Variants in EPHA6 observed in about 807,000 individuals in gnomAD.
The protein encoded by EPHA6 is ephrin type-A receptor 6.
A neutral mutation model predicts 112.0 loss-of-function variants in EPHA6; 50 were observed. That is an observed-to-expected ratio of 0.45 (90% confidence interval 0.36 to 0.56). The LOEUF is 0.56. Among genes scored for constraint, EPHA6 ranks in the 20% least tolerant of loss-of-function variants. The probability of loss-of-function intolerance (pLI) is 0.00; values close to 1 mark genes in which losing one functional copy is unlikely to be tolerated. For missense variants in EPHA6, 1,280 were observed against 1,417.4 expected (o/e 0.90, Z 1.56); for synonymous variants, 529 against 490.7 (o/e 1.08, Z -1.03).
intron 1 of EPHA6, among the ~76,000 whole-genome samples, chr3:96,835,586 A>G (rs2034361046): frequency 2.0e-5 from 3 of 152,054 alleles, no homozygotes; most frequent in African/African-American, 7.2e-5. Context: ...GAAAATACAC[A>G]TGCATCGTTG....
chr3:97,505,326 C>G (rs1383052436), intron 10 of EPHA6, among the ~76,000 whole-genome samples: 1 of 152,102 alleles, frequency 6.6e-6, no homozygotes, highest in African/African-American at 2.4e-5. Context: ...TCTTCTAATG[C>G]TATCCCTCCC....
At chr3:97,436,998 C>T (rs1371023726) in intron 6 of EPHA6, among the ~76,000 whole-genome samples, 1 of 151,782 alleles carries the variant, frequency 6.6e-6, no homozygotes. Context: ...GACTGCAGCC[C>T]AATACAAATT....
intron 12 of EPHA6, among the ~76,000 whole-genome samples, chr3:97,608,431 A>G (rs759794549): frequency 2.0e-5 from 3 of 151,366 alleles, no homozygotes; most frequent in Non-Finnish European, 4.4e-5. Flanking sequence ...TACTATGATT[A>G]GCTCTATGGC....
At chr3:96,844,044 A>C (rs1362910389) in intron 1 of EPHA6, among the ~76,000 whole-genome samples, 1 of 151,998 alleles carries the variant, frequency 6.6e-6, no homozygotes, top group African/African-American at 2.4e-5. Context: ...GTCTTAACAC[A>C]GTTCCCATCT....
chr3:97,189,367 T>C (rs1230110324), intron 3 of EPHA6, among the ~76,000 whole-genome samples: 1 of 152,104 alleles, frequency 6.6e-6, no homozygotes, highest in Non-Finnish European at 1.5e-5. Flanking sequence ...ATGCAGTTCC[T>C]AGAAAGTTAG....
intron 3 of EPHA6, among the ~76,000 whole-genome samples, chr3:97,105,645 G>A (rs1313784867): frequency 1.3e-5 from 2 of 152,074 alleles, no homozygotes; most frequent in East Asian, 3.9e-4. Context: ...TGGGTGGAGA[G>A]TTCTGCAGAG....
intron 12 of EPHA6, among the ~76,000 whole-genome samples, chr3:97,596,444 T>G (rs2093591535): frequency 6.6e-6 from 1 of 152,068 alleles, no homozygotes. Context: ...GATAGGAGAA[T>G]AATAAAGCAT....
chr3:97,127,750 T>A (rs955423039), intron 3 of EPHA6, among the ~76,000 whole-genome samples: 8 of 151,644 alleles, frequency 5.3e-5, no homozygotes, highest in African/African-American at 1.9e-4. Context: ...TTCCTGCTTC[T>A]CCTGTTTTCT....
intron 13 of EPHA6, among the ~76,000 whole-genome samples, chr3:97,629,844 T>G (rs1254265988): frequency 6.6e-6 from 1 of 152,030 alleles, no homozygotes; most frequent in Non-Finnish European, 1.5e-5. Flanking sequence ...TCTGATATGC[T>G]CTAATGATGC....
At chr3:97,243,417 C>T (rs1293273100) in intron 4 of EPHA6, among the ~76,000 whole-genome samples, 1 of 151,828 alleles carries the variant, frequency 6.6e-6, no homozygotes, top group Non-Finnish European at 1.5e-5. Context: ...ATCATCTGCT[C>T]ACCCTAAATT....
At chr3:97,466,445 G>T in intron 7 of EPHA6, 1 of 1,550,760 alleles carries the variant, frequency 6.4e-7, no homozygotes, top group Non-Finnish European at 8.9e-7. Flanking sequence ...TGACAAAACT[G>T]TACTGGCTTA....
At chr3:97,270,998 C>T (rs1350748541) in intron 5 of EPHA6, among the ~76,000 whole-genome samples, 1 of 152,198 alleles carries the variant, frequency 6.6e-6, no homozygotes, top group East Asian at 1.9e-4. Flanking sequence ...GTATATAGCC[C>T]TTCCAGAGTA....
At position 97,476,600 on chromosome 3, in the gene EPHA6, AT is replaced by A. The variant is rs2091375894; in HGVS notation, c.2003+1144del. On this transcript the variant is annotated intron_variant, in intron 8 of 17. Coordinates refer to ENST00000389672, the MANE Select transcript of EPHA6 (RefSeq NM_001080448.3). ...ATACACATATGAAAAATTGTCTACA[AT>A]TTTGACAGCACACCAAAAAGTATAG... is the stretch of plus-strand genomic sequence containing the variant. Among the ~76,000 whole-genome samples the A allele has an allele frequency of 2.0e-5, 3 of 152,254 alleles. No individual in the cohort carries two copies. In the South Asian group the frequency reaches 6.2e-4, roughly 32 times the overall value.
chr3:97,466,139 G>C, intron 7 of EPHA6: 1 of 552,480 alleles, frequency 1.8e-6, no homozygotes, highest in Non-Finnish European at 3.4e-6. Flanking sequence ...TGTAGAAAAA[G>C]GTTGTTTTAG....
At chr3:97,080,885 C>T (rs2046699158) in intron 3 of EPHA6, among the ~76,000 whole-genome samples, 1 of 151,854 alleles carries the variant, frequency 6.6e-6, no homozygotes, top group Non-Finnish European at 1.5e-5. Flanking sequence ...AGACAAAGCA[C>T]ATAGACATAT....
At chr3:96,930,153 GGTTACAATAT>G (rs1050008371) in intron 2 of EPHA6, among the ~76,000 whole-genome samples, 5 of 152,090 alleles carry the variant, frequency 3.3e-5, no homozygotes, top group Admixed American at 3.3e-4. Context: ...CTTTGCATTG[GGTTACAATAT>G]GTTACTTTAG....
chr3:97,051,971 AAAT>A (rs2045698129), intron 3 of EPHA6, among the ~76,000 whole-genome samples: 1 of 152,158 alleles, frequency 6.6e-6, no homozygotes, highest in Non-Finnish European at 1.5e-5. Context: ...ATGACAATTA[AAAT>A]AATAGTAATG....
chr3:97,324,162 T>G (rs1363304438), intron 5 of EPHA6, among the ~76,000 whole-genome samples: 1 of 152,078 alleles, frequency 6.6e-6, no homozygotes, highest in African/African-American at 2.4e-5. Context: ...TATGCTTATG[T>G]AGATTTCCAT....
chr3:97,050,026 A>G (rs527535437), intron 3 of EPHA6, among the ~76,000 whole-genome samples: 53 of 152,324 alleles, frequency 3.5e-4, no homozygotes, highest in African/African-American at 1.2e-3. Context: ...AGTAAGAAAA[A>G]TAACTGTTTT....
Sources: allele counts gnomAD v4.1 joint callset (sites outside exome capture counted in the v4.1 genomes callset), GRCh38; gene constraint gnomAD v4.1.1; transcripts MANE v1.5; gene names NCBI Gene and HGNC (gene_info 2026-07-23, HGNC 2026-07-21).